The following MAN1A1 variants were observed in gnomAD, a reference collection of about 807,000 sequenced individuals.
The protein encoded by MAN1A1 is mannosidase alpha class 1A member 1, also known as mannosyl-oligosaccharide 1,2-alpha-mannosidase IA.
A neutral mutation model predicts 70.8 loss-of-function variants in MAN1A1; 29 were observed. The ratio of observed to expected loss-of-function variants is 0.41; its 90% confidence interval spans 0.31 to 0.56. The LOEUF is 0.56. Ranked by LOEUF, MAN1A1 falls within the 20% of genes least tolerant of loss-of-function variation. The pLI, the probability that MAN1A1 is intolerant of heterozygous loss-of-function variation, is 0.29. For synonymous variants in MAN1A1, 349 were observed against 330.1 expected, an observed-to-expected ratio of 1.06 and a Z score of -0.62; for missense variants, 747 against 841.3, an observed-to-expected ratio of 0.89 and a Z score of 1.39.
chr6:119,211,250 C>G (rs1231449591), intron 6 of MAN1A1, among the ~76,000 whole-genome samples: 1 of 152,320 alleles, frequency 6.6e-6, no homozygotes, highest in East Asian at 1.9e-4. Context: ...TTCTATGGGT[C>G]TGTGGATCAT....
chr6:119,324,216 A>C lies in MAN1A1; in HGVS notation c.604-17224T>G, dbSNP rs79618554. 5.9e-3 allele frequency among the ~76,000 whole-genome samples: 900 copies of C among 152,332 alleles called. 31 individuals are homozygous for C. The East Asian group carries it at 0.091, about 15-fold the overall frequency. ...CAACACGAAGACAAGGAATGAAGAC[A>C]TTTATGATGACTCACTTCCACCTGA... is the stretch of plus-strand genomic sequence containing the variant. On this transcript the variant is annotated intron_variant, in intron 2 of 12. Transcript: ENST00000368468.
At chr6:119,222,064 A>G (rs1774377772) in intron 6 of MAN1A1, among the ~76,000 whole-genome samples, 3 of 152,154 alleles carry the variant, frequency 2.0e-5, no homozygotes, top group Non-Finnish European at 4.4e-5. Context: ...ATGGCAACAA[A>G]GAACATTACA....
At chr6:119,203,519 T>C (rs9489621) in intron 7 of MAN1A1, among the ~76,000 whole-genome samples, 75,481 of 151,590 alleles carry the variant, frequency 0.5, 19,721 homozygotes, top group Non-Finnish European at 0.58. Context: ...ACTCTGAGTG[T>C]CATGAGAAGG....
intron 11 of MAN1A1, among the ~76,000 whole-genome samples, chr6:119,187,407 A>G (rs1582678147): frequency 6.6e-6 from 1 of 152,234 alleles, no homozygotes; most frequent in South Asian, 2.1e-4. Context: ...TACAATGACT[A>G]CTGATTAAAT....
At chr6:119,270,545 G>T (rs1775891148) in intron 5 of MAN1A1, among the ~76,000 whole-genome samples, 2 of 152,026 alleles carry the variant, frequency 1.3e-5, no homozygotes, top group African/African-American at 4.8e-5. Flanking sequence ...CTTGTCCTAG[G>T]CAACCACTGA....
At position 119,348,546 on chromosome 6, in the gene MAN1A1, C is replaced by T. The variant is rs764746560; in HGVS notation, c.520G>A (p.Val174Met). 1.9e-6 allele frequency: 3 copies of T among 1,613,162 alleles called. No individual in the cohort carries two copies. The highest frequency in any genetic ancestry group is 4.5e-5 in the East Asian group (2 of 44,798). Residue 174 changes from valine (V) to methionine (M), a missense_variant, in exon 2 of 13, where the codon GTG (valine) becomes ATG (methionine). By Grantham distance (21) the Val-to-Met change is conservative. Transcript: ENST00000368468. ...DKAPFRGLPP[V>M]DFVPPIGVES... ...ACCCCGATTGGGGGCACGAAGTCCACCGGGGGCAGGCCTCTGAACGGCGCC... is the reference window on the plus strand; with the variant it reads ...ACCCCGATTGGGGGCACGAAGTCCATCGGGGGCAGGCCTCTGAACGGCGCC...
At chr6:119,332,510 A>C (rs1773346314) in intron 2 of MAN1A1, among the ~76,000 whole-genome samples, 1 of 152,196 alleles carries the variant, frequency 6.6e-6, no homozygotes, top group African/African-American at 2.4e-5. Context: ...CTTGGAAATT[A>C]ATAGCTGAGG....
At chr6:119,276,279 C>T (rs1246499657) in intron 5 of MAN1A1, among the ~76,000 whole-genome samples, 8 of 152,132 alleles carry the variant, frequency 5.3e-5, no homozygotes, top group Non-Finnish European at 1.2e-4. Flanking sequence ...GCTCTTATTG[C>T]CATCTAAAAT....
intron 5 of MAN1A1, among the ~76,000 whole-genome samples, chr6:119,253,932 A>G (rs1455355648): frequency 6.6e-6 from 1 of 152,198 alleles, no homozygotes; most frequent in Non-Finnish European, 1.5e-5. Flanking sequence ...TAATTAGCTC[A>G]TTGATACTTG....
rs563178707 is a variant in MAN1A1, at chr6:119,181,701, CTTTT to C, written c.1720-1278_1720-1275del. Among the ~76,000 whole-genome samples, 274 of 152,110 alleles carry C rather than the reference CTTTT, an allele frequency of 1.8e-3. 2 individuals are homozygous for C. Among genetic ancestry groups the C allele is most frequent in the African/African-American group, 5.8e-3 (239 of 41,500 alleles). ...TTCCCTTTCAGAGCCCACTTTCTTTCTTTTGTTTGTTTCTATTTTTCTTTAACCT... is the reference window on the plus strand; with the variant it reads ...TTCCCTTTCAGAGCCCACTTTCTTTCGTTTGTTTCTATTTTTCTTTAACCT... On this transcript the variant is annotated intron_variant, in intron 11 of 12. Coordinates refer to ENST00000368468, the MANE Select transcript of MAN1A1 (RefSeq NM_005907.4).
At chr6:119,245,211 T>A (rs1010641753) in intron 6 of MAN1A1, among the ~76,000 whole-genome samples, 1 of 152,150 alleles carries the variant, frequency 6.6e-6, no homozygotes, top group African/African-American at 2.4e-5. Flanking sequence ...AAAGCATCTT[T>A]AAGCCCTCCT....
intron 4 of MAN1A1, among the ~76,000 whole-genome samples, chr6:119,292,213 T>C (rs748405016): frequency 1.2e-4 from 18 of 152,076 alleles, no homozygotes; most frequent in Admixed American, 2.0e-4. Context: ...TAAGTTAGAA[T>C]AGCTAACCTA....
At chr6:119,271,981 AG>A (rs1290875271) in intron 5 of MAN1A1, among the ~76,000 whole-genome samples, 1 of 152,186 alleles carries the variant, frequency 6.6e-6, no homozygotes, top group African/African-American at 2.4e-5. Context: ...TAGGGTGACA[AG>A]GAAGTAAAGT....
At chr6:119,342,892 A>G (rs1353586366) in intron 2 of MAN1A1, among the ~76,000 whole-genome samples, 1 of 152,166 alleles carries the variant, frequency 6.6e-6, no homozygotes, top group Non-Finnish European at 1.5e-5. Flanking sequence ...TTGTATATAC[A>G]GTAACTCACT....
At chr6:119,207,966 T>C (rs1431814770) in intron 6 of MAN1A1, among the ~76,000 whole-genome samples, 1 of 152,172 alleles carries the variant, frequency 6.6e-6, no homozygotes, top group African/African-American at 2.4e-5. Flanking sequence ...GCTATGGTGT[T>C]ATCTGGTCTA....
intron 5 of MAN1A1, among the ~76,000 whole-genome samples, chr6:119,279,579 G>A (rs983303807): frequency 8.8e-5 from 13 of 148,370 alleles, no homozygotes; most frequent in Non-Finnish European, 1.8e-4. Context: ...AAATGTACAC[G>A]TTCACATCAA....
At chr6:119,274,232 T>C (rs1323714605) in intron 5 of MAN1A1, among the ~76,000 whole-genome samples, 2 of 152,210 alleles carry the variant, frequency 1.3e-5, no homozygotes, top group African/African-American at 4.8e-5. Context: ...GAGTAGATAT[T>C]TTGTAGTTAC....
chr6:119,189,324 T>C (rs1773376094), intron 10 of MAN1A1, among the ~76,000 whole-genome samples: 1 of 152,136 alleles, frequency 6.6e-6, no homozygotes, highest in Non-Finnish European at 1.5e-5. Flanking sequence ...TCATGGGGGA[T>C]GTGGAGAAGA....
At chr6:119,313,824 G>A (rs17536339) in intron 2 of MAN1A1, among the ~76,000 whole-genome samples, 4,251 of 152,054 alleles carry the variant, frequency 0.028, 93 homozygotes, top group Non-Finnish European at 0.045. Flanking sequence ...CTCGAAAAAG[G>A]GGTCAGAACA....
Sources: allele counts gnomAD v4.1 joint callset (sites outside exome capture counted in the v4.1 genomes callset), GRCh38; gene constraint gnomAD v4.1.1; transcripts MANE v1.5; gene names NCBI Gene and HGNC (gene_info 2026-07-23, HGNC 2026-07-21).